GMDS: variants seen among roughly 807,000 people sequenced by gnomAD.
GMDS encodes GDP-mannose 4,6-dehydratase, also known as GDP-mannose 4,6 dehydratase.
In GMDS, 20 loss-of-function variants were observed where a neutral mutation model predicts 49.9. That is an observed-to-expected ratio of 0.40 (90% confidence interval 0.28 to 0.58). The LOEUF (loss-of-function observed/expected upper bound fraction) is 0.58. Among genes scored for constraint, GMDS ranks in the 20% least tolerant of loss-of-function variants. The probability of loss-of-function intolerance (pLI) is 0.42; values close to 1 mark genes in which losing one functional copy is unlikely to be tolerated. For missense variants in GMDS, 362 were observed against 481.4 expected (o/e 0.75, Z 2.32); for synonymous variants, 177 against 178.6 (o/e 0.99, Z 0.07).
chr6:2,004,325 G>A (rs1326346686), intron 4 of GMDS, among the ~76,000 whole-genome samples: 3 of 152,222 alleles, frequency 2.0e-5, no homozygotes, highest in Admixed American at 2.0e-4. Flanking sequence ...CATGACCTAT[G>A]GAGGCCATCA....
rs192524454 is a variant in GMDS at position 1,802,612 on chromosome 6, C to A, written c.772-60026G>T. On this transcript the variant is annotated intron_variant, in intron 7 of 10. Transcript: ENST00000380815. ...GTGACATTAACACAGGGACCTGCTC[C>A]GCTGTTGTTCGGCAGGAGGTAGGCC... Among the ~76,000 whole-genome samples, 4 of 152,306 alleles carry A rather than the reference C, an allele frequency of 2.6e-5. No individual in the cohort carries two copies. The East Asian group carries it at 7.7e-4, about 29-fold the overall frequency.
intron 4 of GMDS, among the ~76,000 whole-genome samples, chr6:2,085,280 T>G (rs1772946743): frequency 6.6e-6 from 1 of 152,196 alleles, no homozygotes; most frequent in South Asian, 2.1e-4. Flanking sequence ...ACATGGTTAT[T>G]TTCATTATTT....
chr6:1,884,816 G>C (rs1759523462), intron 7 of GMDS, among the ~76,000 whole-genome samples: 1 of 152,214 alleles, frequency 6.6e-6, no homozygotes, highest in African/African-American at 2.4e-5. Flanking sequence ...ACGGTGCCCT[G>C]AGCTGCGCGA....
rs1037671318 is a variant in GMDS, at chr6:1,722,160, G to A, written c.987+4256C>T. Among the ~76,000 whole-genome samples the A allele has an allele frequency of 9.4e-5, 14 of 148,380 alleles. 1 individual carries two copies. In the South Asian group the frequency reaches 2.6e-3, roughly 27 times the overall value. On this transcript the variant is annotated intron_variant, in intron 9 of 10. Coordinates refer to ENST00000380815, the MANE Select transcript of GMDS (RefSeq NM_001500.4). ...TGGCTCACTGCAAGCTCCACCTCCC[G>A]GGTTCCCACCATTCTCCTGCCTCAG...
chr6:1,775,447 T>G (rs957071507), intron 7 of GMDS, among the ~76,000 whole-genome samples: 1 of 152,230 alleles, frequency 6.6e-6, no homozygotes, highest in Non-Finnish European at 1.5e-5. Context: ...GATAAAACAC[T>G]TTACTGTCAC....
chr6:1,944,111 G>A (rs62391629), intron 6 of GMDS, among the ~76,000 whole-genome samples: 7,701 of 152,228 alleles, frequency 0.051, 271 homozygotes, highest in Non-Finnish European at 0.069. Flanking sequence ...TCTGTTTGAG[G>A]ACACTCATAC....
At chr6:1,830,853 C>A (rs115193580) in intron 7 of GMDS, among the ~76,000 whole-genome samples, 1 of 152,134 alleles carries the variant, frequency 6.6e-6, no homozygotes, top group Non-Finnish European at 1.5e-5. Context: ...CTCTTAGAAC[C>A]TCTTCGAGAA....
At chr6:1,624,418 G>A (rs1686945088) in intron 10 of GMDS, 54 bp downstream of exon 10, 15 of 1,507,312 alleles carry the variant, frequency 1.0e-5, no homozygotes, top group Non-Finnish European at 1.4e-5. Context: ...GAGAGCTGCC[G>A]CCCTGCAGCC....
At chr6:1,780,636 C>T (rs1190413866) in intron 7 of GMDS, among the ~76,000 whole-genome samples, 6 of 152,216 alleles carry the variant, frequency 3.9e-5, no homozygotes, top group African/African-American at 1.2e-4. Context: ...GGAGCTGGCT[C>T]CCGCGCTGCT....
intron 7 of GMDS, among the ~76,000 whole-genome samples, chr6:1,795,387 G>A (rs539400378): frequency 2.6e-4 from 39 of 152,250 alleles, no homozygotes; most frequent in Non-Finnish European, 5.4e-4. Flanking sequence ...TAAAATGACT[G>A]TGTGGAGTCT....
chr6:2,205,090 C>G (rs935529912), intron 1 of GMDS, among the ~76,000 whole-genome samples: 2 of 151,826 alleles, frequency 1.3e-5, no homozygotes, highest in African/African-American at 4.8e-5. Flanking sequence ...TGTCCTAAAC[C>G]CTTTAACAGA....
intron 6 of GMDS, among the ~76,000 whole-genome samples, chr6:1,940,057 A>G (rs1209544273): frequency 6.6e-6 from 1 of 152,232 alleles, no homozygotes; most frequent in Non-Finnish European, 1.5e-5. Flanking sequence ...ACTAAGTCCT[A>G]CTAGGGACAA....
chr6:2,022,559 C>T (rs766574194), intron 4 of GMDS, among the ~76,000 whole-genome samples: 7 of 152,068 alleles, frequency 4.6e-5, no homozygotes, highest in Non-Finnish European at 8.8e-5. Context: ...TCAATCTGCT[C>T]GCGATAATGC....
At chr6:2,014,836 T>TAAA (rs1311483935) in intron 4 of GMDS, among the ~76,000 whole-genome samples, 1 of 152,080 alleles carries the variant, frequency 6.6e-6, no homozygotes, top group Non-Finnish European at 1.5e-5. Context: ...AACTCACTTT[T>TAAA]AAGTATAAAG....
At position 1,652,709 on chromosome 6, in the gene GMDS, TATATATATATAG is replaced by T. The variant is rs1353262943; in HGVS notation, c.988-28181_988-28170del. Among the ~76,000 whole-genome samples, 2 of 36,486 alleles carry T rather than the reference TATATATATATAG, an allele frequency of 5.5e-5. 1 individual carries two copies. The highest frequency in any genetic ancestry group is 9.3e-4 in the Admixed American group (2 of 2,146). 23.9% of individuals were successfully genotyped at this position (36,486 alleles called of 152,430 possible). ...TTATATATAATATATTATATATATA[TATATATATATAG>T]AGAGAGAGAGAGAGAGAGAGACAGA... On this transcript the variant is annotated intron_variant, in intron 9 of 10. Transcript: ENST00000380815.
chr6:1,873,306 C>T (rs536055614), intron 7 of GMDS, among the ~76,000 whole-genome samples: 1 of 152,308 alleles, frequency 6.6e-6, no homozygotes, highest in South Asian at 2.1e-4. Context: ...CTCCTCCCAC[C>T]GCTTCTCCTT....
chr6:1,646,866 C>G (rs552566476), intron 9 of GMDS, among the ~76,000 whole-genome samples: 1 of 152,288 alleles, frequency 6.6e-6, no homozygotes, highest in South Asian at 2.1e-4. Context: ...GGGTCCTGGG[C>G]ACCCCATGTG....
At chr6:1,799,180 G>A (rs898163201) in intron 7 of GMDS, among the ~76,000 whole-genome samples, 3 of 152,158 alleles carry the variant, frequency 2.0e-5, no homozygotes, top group African/African-American at 7.2e-5. Flanking sequence ...TGACGAGGGT[G>A]GAGGGTGCGG....
chr6:1,754,817 A>G (rs981105125), intron 7 of GMDS, among the ~76,000 whole-genome samples: 2 of 152,236 alleles, frequency 1.3e-5, no homozygotes, highest in African/African-American at 4.8e-5. Context: ...GGCCTTCGAT[A>G]AAAATCAACA....
Sources: allele counts gnomAD v4.1 joint callset (sites outside exome capture counted in the v4.1 genomes callset), GRCh38; gene constraint gnomAD v4.1.1; transcripts MANE v1.5; gene names NCBI Gene and HGNC (gene_info 2026-07-23, HGNC 2026-07-21).